DENND3: variants seen among roughly 807,000 people sequenced by gnomAD.
The protein encoded by DENND3 is DENN domain-containing protein 3.
Under a neutral mutation model 135.1 loss-of-function variants are expected in DENND3, and 88 were observed. The ratio of observed to expected loss-of-function variants is 0.65; its 90% confidence interval spans 0.55 to 0.78. The LOEUF (loss-of-function observed/expected upper bound fraction) is 0.78, where lower values mean the gene tolerates loss of function less well. Ranked by LOEUF, DENND3 falls within the 30% of genes least tolerant of loss-of-function variation. The pLI is 0.00. For synonymous variants in DENND3, 693 were observed against 712.3 expected, an observed-to-expected ratio of 0.97 and a Z score of 0.43; for missense variants, 1,392 against 1,688.4, an observed-to-expected ratio of 0.82 and a Z score of 3.08.
At chr8:141,184,039 G>A (rs1261840014) in intron 17 of DENND3, among the ~76,000 whole-genome samples, 4 of 152,212 alleles carry the variant, frequency 2.6e-5, no homozygotes, top group African/African-American at 9.6e-5. Flanking sequence ...CCTCTCCTGG[G>A]CCTGCTTCTT....
chr8:141,186,101 G>C (rs1006560799), intron 18 of DENND3, among the ~76,000 whole-genome samples: 11 of 151,748 alleles, frequency 7.2e-5, no homozygotes, highest in Non-Finnish European at 1.3e-4. Context: ...ACCATGCCTG[G>C]CTAATTTTGT....
Position 141,128,760 on chromosome 8 carries a change from TCTGCGCG to T in DENND3, c.58_64del (p.Ala20TrpfsTer63). 1 of 1,469,786 alleles carries T rather than the reference TCTGCGCG, an allele frequency of 6.8e-7. No individual in the cohort carries two copies. Among genetic ancestry groups the T allele is most frequent in the Non-Finnish European group, 9.0e-7 (1 of 1,113,802 alleles). 91.0% of individuals were successfully genotyped at this position (1,469,786 alleles called of 1,614,324 possible). A position where few individuals can be genotyped will look rare whatever the true frequency, so the allele number is the denominator to read the frequency against. ...TCGCTGCCCTCGGGGCTGCTGGAGC[TCTGCGCG>T]CTGCTGGGCGCCCCCCGGGACAGTC... On this transcript the variant is annotated frameshift_variant, in exon 1 of 23. Coordinates refer to ENST00000519811, the MANE Select transcript of DENND3 (RefSeq NM_001352890.3). LOFTEE classifies it high-confidence loss of function. The surrounding 1 kb of genome is among the most constrained non-coding windows in gnomAD (Gnocchi z 4.5).
Position 141,136,637 on chromosome 8 carries a change from TA to T in DENND3, c.235del (p.Thr79ProfsTer6). On this transcript the variant is annotated frameshift_variant, in exon 2 of 23. Transcript: ENST00000519811. LOFTEE classifies it high-confidence loss of function. ...CCGGTGCCAACTGCGGCACTCTCGG[TA>T]AAACCCGGATGCGCTCCTTGAGAAA... ...MAGANCGTLG[K>X]TRMRSLRKKR... 1 of 1,611,242 alleles carries T rather than the reference TA, an allele frequency of 6.2e-7. No homozygotes were observed.
intron 3 of DENND3, among the ~76,000 whole-genome samples, chr8:141,140,933 CGT>C (rs1817374611): frequency 6.6e-6 from 1 of 152,208 alleles, no homozygotes; most frequent in Non-Finnish European, 1.5e-5. Flanking sequence ...GTGTTCTAAT[CGT>C]GTGTTCCTTT....
At position 141,194,604 on chromosome 8, in the gene DENND3, A is replaced by C; in HGVS notation, c.*371A>C. 3.9e-6 allele frequency: 1 copy of C among 255,166 alleles called. No individual in the cohort carries two copies. The allele number at this position is 255,166 out of a possible 1,614,324, so 15.8% of individuals were successfully genotyped here. A position where few individuals can be genotyped will look rare whatever the true frequency, so the allele number is the denominator to read the frequency against. On this transcript the variant is annotated 3_prime_UTR_variant, in exon 23 of 23. Coordinates refer to ENST00000519811, the MANE Select transcript of DENND3 (RefSeq NM_001352890.3). ...GAGTCACAGGTGACCCGTGGCCCTC[A>C]CGTCTCTGGTTTTACCTTTCCTTAC...
rs777551065 is a variant in DENND3, at chr8:141,194,206, G to T, written c.3810G>T (p.Gly1270=). The T allele has an allele frequency of 5.6e-6, 9 of 1,613,074 alleles. No homozygotes were observed. The Admixed American group carries it at 1.2e-4, about 21-fold the overall frequency. ...YVLSGSGREE[G]KVAIWKGE is the part of the protein sequence containing the mutation. ...TGAGTGGGTCGGGCAGGGAGGAGGG[G>T]AAAGTCGCCATTTGGAAAGGCGAAT... The change falls in exon 23 of 23, where the codon GGG becomes GGT. Residue 1270 remains glycine (G), a synonymous_variant. Transcript: ENST00000519811.
rs937354932 is a variant in DENND3, at chr8:141,139,489, G to A, written c.501+1352G>A. 1.3e-5 allele frequency among the ~76,000 whole-genome samples: 2 copies of A among 152,148 alleles called. No individual in the cohort carries two copies. The highest frequency in any genetic ancestry group is 6.5e-5 in the Admixed American group (1 of 15,286). Reference sequence around the variant, plus strand: ...CGGTGCATGCAGGGGACCAGCGTCCGCCTCTGTGACCTGGCTGCCAGCAGC... The same window carrying A: ...CGGTGCATGCAGGGGACCAGCGTCCACCTCTGTGACCTGGCTGCCAGCAGC... On this transcript the variant is annotated intron_variant, in intron 3 of 22. Transcript: ENST00000519811. The surrounding 1 kb of genome is among the most constrained non-coding windows in gnomAD (Gnocchi z 4.2).
chr8:141,128,944 A>ACCCCGCGCGCCTGTGG lies in DENND3; in HGVS notation c.102+138_102+153dup. 1 of 643,742 alleles carries ACCCCGCGCGCCTGTGG rather than the reference A, an allele frequency of 1.6e-6. No individual in the cohort carries two copies. Among genetic ancestry groups the ACCCCGCGCGCCTGTGG allele is most frequent in the Non-Finnish European group, 2.3e-6 (1 of 433,162 alleles). The allele number at this position is 643,742 out of a possible 1,614,324, so 39.9% of individuals were successfully genotyped here. A position where few individuals can be genotyped will look rare whatever the true frequency, so the allele number is the denominator to read the frequency against. ...GCTGAGTCCCGGTCCCCCGGCGGTG[A>ACCCCGCGCGCCTGTGG]CCCCGCGCGCCTGTGGCCGGGGATC... is the stretch of plus-strand genomic sequence containing the variant. On this transcript the variant is annotated intron_variant, in intron 1 of 22. Transcript: ENST00000519811. This position sits in a 1 kb window ranked among gnomAD's most constrained non-coding sequence, Gnocchi z 4.5.
chr8:141,150,241 C>T (rs1818626647), intron 5 of DENND3: 2 of 1,087,570 alleles, frequency 1.8e-6, no homozygotes, highest in African/African-American at 1.7e-5. Flanking sequence ...GAAGCCCTCC[C>T]TCAGTGAAGG....
At chr8:141,152,537 C>T (rs1222200476) in intron 7 of DENND3, among the ~76,000 whole-genome samples, 1 of 152,186 alleles carries the variant, frequency 6.6e-6, no homozygotes, top group Non-Finnish European at 1.5e-5. Flanking sequence ...GAGACTCCTC[C>T]ACGTGGTAGC....
intron 5 of DENND3, among the ~76,000 whole-genome samples, chr8:141,147,338 T>G (rs1818275302): frequency 6.6e-6 from 1 of 152,158 alleles, no homozygotes; most frequent in African/African-American, 2.4e-5. Flanking sequence ...GGGCTTTGCT[T>G]CTCTTCCCCA....
Position 141,163,386 on chromosome 8 carries a change from T to A in DENND3, c.1406T>A (p.Phe469Tyr), listed in dbSNP as rs1173420426. The change falls in exon 10 of 23, where the codon TTT becomes TAT. Residue 469 changes from phenylalanine (F) to tyrosine (Y), a missense_variant. Phe to Tyr is a conservative substitution (Grantham distance 22). Coordinates refer to ENST00000519811, the MANE Select transcript of DENND3 (RefSeq NM_001352890.3). ...YEHRVFNSEEFLKTRAPGDHQ... is the reference protein window; with the variant it reads ...YEHRVFNSEEYLKTRAPGDHQ... ...CACAGAGTCTTTAATAGTGAAGAAT[T>A]TCTCAAAACCAGGGCTCCAGGGGAC... 1 of 1,613,440 alleles carries A rather than the reference T, an allele frequency of 6.2e-7. No homozygotes were observed. The highest frequency in any genetic ancestry group is 8.5e-7 in the Non-Finnish European group (1 of 1,179,440).
intron 1 of DENND3, among the ~76,000 whole-genome samples, chr8:141,135,361 A>T (rs1421834662): frequency 6.6e-6 from 1 of 151,176 alleles, no homozygotes; most frequent in Non-Finnish European, 1.5e-5. Context: ...TTTGTTGCCC[A>T]GGCTGGCCTT....
At chr8:141,178,518 C>G (rs1346404613) in intron 16 of DENND3, among the ~76,000 whole-genome samples, 1 of 152,204 alleles carries the variant, frequency 6.6e-6, no homozygotes, top group Non-Finnish European at 1.5e-5. Flanking sequence ...CTGGCTGAAG[C>G]AGACTAGAAA....
Position 141,138,045 on chromosome 8 carries a change from C to A in DENND3, c.409C>A (p.Pro137Thr). Residue 137 changes from proline (P) to threonine (T), a missense_variant, in exon 3 of 23, where the codon CCT (proline) becomes ACT (threonine). By Grantham distance (38) the Pro-to-Thr change is conservative (BLOSUM62 -1). Coordinates refer to ENST00000519811, the MANE Select transcript of DENND3 (RefSeq NM_001352890.3). This position sits in a 1 kb window ranked among gnomAD's most constrained non-coding sequence, Gnocchi z 4.8. ...FPGGVCVATE[P>T]KEDCVHFLVL... ...AGGGGGTGTGTGCGTGGCCACTGAACCTAAGGAGGATTGCGTCCACTTCCT... is the reference window on the plus strand; with the variant it reads ...AGGGGGTGTGTGCGTGGCCACTGAAACTAAGGAGGATTGCGTCCACTTCCT... 1.2e-6 allele frequency: 2 copies of A among 1,606,596 alleles called. No individual in the cohort carries two copies. The highest frequency in any genetic ancestry group is 2.2e-5 in the South Asian group (2 of 89,386).
At chr8:141,147,099 C>T (rs905135883) in intron 5 of DENND3, among the ~76,000 whole-genome samples, 7 of 152,200 alleles carry the variant, frequency 4.6e-5, no homozygotes, top group East Asian at 1.9e-4. Context: ...TGAGGGTTGC[C>T]GCTGGCCTGC....
At chr8:141,186,819 T>A (rs1056263944) in intron 18 of DENND3, among the ~76,000 whole-genome samples, 5 of 152,136 alleles carry the variant, frequency 3.3e-5, no homozygotes, top group Non-Finnish European at 7.4e-5. Context: ...CAGCGGCCCC[T>A]CCTGCCTGCA....
chr8:141,169,710 C>T (rs1821272972), intron 13 of DENND3, among the ~76,000 whole-genome samples: 2 of 152,200 alleles, frequency 1.3e-5, no homozygotes, highest in East Asian at 3.9e-4. Context: ...GACGCGGTAC[C>T]TAGTGGTCGT....
Position 141,151,678 on chromosome 8 carries a change from G to C in DENND3, c.915G>C (p.Leu305=). Residue 305 remains leucine (L), a synonymous_variant, in exon 7 of 23, where the codon CTG becomes CTC. Transcript: ENST00000519811. ...RIVFFSSDWA[L]LTLVTECFMA... ...TCTTCTTCTCCTCGGACTGGGCTCTGCTGACGCTGGTCACTGAGTGCTTCA... is the reference window on the plus strand; with the variant it reads ...TCTTCTTCTCCTCGGACTGGGCTCTCCTGACGCTGGTCACTGAGTGCTTCA... The C allele has an allele frequency of 6.2e-7, 1 of 1,614,030 alleles. No homozygotes were observed. The highest frequency in any genetic ancestry group is 1.1e-5 in the South Asian group (1 of 91,080).
Sources: gnomAD v4.1 joint callset for allele counts (sites outside exome capture counted in the v4.1 genomes callset) on GRCh38, gnomAD v4.1.1 for gene constraint, Gnocchi (gnomAD v3.1) non-coding constraint, MANE v1.5 for transcripts, NCBI Gene and HGNC (gene_info 2026-07-23, HGNC 2026-07-21) for gene names.